COL15A1: variants seen among roughly 807,000 people sequenced by gnomAD.
The protein encoded by COL15A1 is collagen type XV alpha 1 chain, also known as collagen alpha-1(XV) chain.
COL15A1 carries 111 observed loss-of-function variants against 165.9 expected under a neutral mutation model. The ratio of observed to expected loss-of-function variants is 0.67; its 90% CI spans 0.57 to 0.78. COL15A1 has a LOEUF of 0.78. Ranked by LOEUF, COL15A1 falls within the 30% of genes least tolerant of loss-of-function variation. COL15A1 has a pLI of 0.00. For synonymous variants in COL15A1, 659 were observed against 674.8 expected, an observed-to-expected ratio of 0.98 and a Z score of 0.36; for missense variants, 1,745 against 1,789.7, an observed-to-expected ratio of 0.98 and a Z score of 0.45.
intron 9 of COL15A1, among the ~76,000 whole-genome samples, chr9:99,014,907 C>G (rs942026374): frequency 1.3e-5 from 2 of 152,182 alleles, no homozygotes; most frequent in African/African-American, 2.4e-5. Flanking sequence ...TTCTGATTAG[C>G]CTTTCCAAAG....
chr9:98,987,469 C>G (rs1235583171), intron 4 of COL15A1, 101 bp downstream of exon 4: 4 of 1,128,706 alleles, frequency 3.5e-6, no homozygotes, highest in Non-Finnish European at 5.0e-6. Context: ...TCTGAAACCT[C>G]TCATTTTGGC....
intron 14 of COL15A1, among the ~76,000 whole-genome samples, chr9:99,023,726 G>A (rs1839066190): frequency 1.3e-5 from 2 of 152,146 alleles, no homozygotes; most frequent in Non-Finnish European, 2.9e-5. Flanking sequence ...GGCTTCTTGA[G>A]CAGGCTGCCC....
intron 35 of COL15A1, among the ~76,000 whole-genome samples, chr9:99,057,576 A>G (rs141132161): frequency 6.8e-4 from 103 of 152,326 alleles, no homozygotes; most frequent in African/African-American, 2.2e-3. Flanking sequence ...TAAAAAAAGC[A>G]TTAACATCCC....
intron 2 of COL15A1, among the ~76,000 whole-genome samples, chr9:98,947,789 G>A (rs1335854214): frequency 6.6e-6 from 1 of 152,166 alleles, no homozygotes; most frequent in African/African-American, 2.4e-5. Context: ...TCCTCAGGTA[G>A]GGGTAGAACA....
chr9:99,002,752 A>G (rs1335944969), intron 7 of COL15A1, among the ~76,000 whole-genome samples: 1 of 152,226 alleles, frequency 6.6e-6, no homozygotes, highest in Non-Finnish European at 1.5e-5. Context: ...TGACTTTGGG[A>G]AATGCTGCAC....
intron 6 of COL15A1, among the ~76,000 whole-genome samples, chr9:98,998,623 C>G (rs10988521): frequency 0.11 from 17,079 of 152,096 alleles, 1,141 homozygotes; most frequent in East Asian, 0.27. Context: ...TGAATCTGGC[C>G]GCAGTTGTGG....
chr9:98,958,767 C>T (rs1837818325), intron 2 of COL15A1, among the ~76,000 whole-genome samples: 1 of 152,140 alleles, frequency 6.6e-6, no homozygotes, highest in South Asian at 2.1e-4. Flanking sequence ...ATGCCCCGCA[C>T]TGGTTTAGTG....
intron 2 of COL15A1, among the ~76,000 whole-genome samples, chr9:98,956,364 G>A (rs1414803931): frequency 2.0e-5 from 3 of 152,080 alleles, no homozygotes; most frequent in Non-Finnish European, 2.9e-5. Flanking sequence ...AGTATGATCT[G>A]TGCTAATAAT....
chr9:99,033,852 A>T (rs141076197), intron 16 of COL15A1, among the ~76,000 whole-genome samples: 202 of 152,170 alleles, frequency 1.3e-3, no homozygotes, highest in Admixed American at 2.4e-3. Context: ...GCCCCCTACC[A>T]CAGTCCTCTG....
intron 2 of COL15A1, among the ~76,000 whole-genome samples, chr9:98,971,226 C>T (rs1320726274): frequency 6.6e-6 from 1 of 152,172 alleles, no homozygotes; most frequent in Non-Finnish European, 1.5e-5. Context: ...GGCTGTAGAG[C>T]ATCCATGTCC....
At chr9:99,004,315 A>C (rs1838718824) in intron 8 of COL15A1, among the ~76,000 whole-genome samples, 1 of 152,170 alleles carries the variant, frequency 6.6e-6, no homozygotes, top group Admixed American at 6.5e-5. Context: ...TGGTGGTGCC[A>C]GCCTGCCCTG....
intron 16 of COL15A1, among the ~76,000 whole-genome samples, chr9:99,029,696 G>A (rs753146667): frequency 7.5e-4 from 114 of 152,262 alleles, no homozygotes; most frequent in Non-Finnish European, 1.4e-3. Flanking sequence ...AGCCTAGGTG[G>A]GTGGATCACC....
At chr9:98,992,814 C>T (rs1019745365) in intron 5 of COL15A1, among the ~76,000 whole-genome samples, 4 of 152,196 alleles carry the variant, frequency 2.6e-5, no homozygotes, top group African/African-American at 9.7e-5. Flanking sequence ...CCAGGCCTCA[C>T]TCCCCAGGCT....
intron 11 of COL15A1, among the ~76,000 whole-genome samples, chr9:99,018,287 G>T (rs907022379): frequency 1.2e-4 from 19 of 152,030 alleles, no homozygotes; most frequent in African/African-American, 4.6e-4. Flanking sequence ...ATTGTCTCCC[G>T]CCTTCTTTTT....
intron 26 of COL15A1, among the ~76,000 whole-genome samples, chr9:99,046,902 G>A (rs1207472674): frequency 6.6e-6 from 1 of 152,072 alleles, no homozygotes; most frequent in Non-Finnish European, 1.5e-5. Context: ...ATACAGACTG[G>A]GTACTTTACG....
intron 35 of COL15A1, among the ~76,000 whole-genome samples, chr9:99,059,063 G>A (rs1031418829): frequency 2.6e-5 from 4 of 152,172 alleles, no homozygotes; most frequent in Admixed American, 2.6e-4. Context: ...TAAAGTAAGG[G>A]CTTTTCAGTT....
At chr9:99,016,164 G>A in intron 11 of COL15A1, 45 bp downstream of exon 11, 1 of 1,539,718 alleles carries the variant, frequency 6.5e-7, no homozygotes, top group South Asian at 1.3e-5. Flanking sequence ...AGACCTTACA[G>A]GGGAGAGAAA....
chr9:99,049,637 C>T, intron 28 of COL15A1, 53 bp from the exon 29 acceptor site: 1 of 1,605,268 alleles, frequency 6.2e-7, no homozygotes, highest in Non-Finnish European at 8.5e-7. Context: ...TGTGGCTGCC[C>T]CTGCATTCAC....
chr9:98,999,800 A>G (rs1251324879), intron 6 of COL15A1, among the ~76,000 whole-genome samples: 1 of 150,968 alleles, frequency 6.6e-6, no homozygotes, highest in Admixed American at 6.6e-5. Flanking sequence ...GATTACAGGC[A>G]TGAGCCACCA....
Sources: gnomAD v4.1 joint callset for allele counts (sites outside exome capture counted in the v4.1 genomes callset) on GRCh38, gnomAD v4.1.1 for gene constraint, MANE v1.5 for transcripts, NCBI Gene and HGNC (gene_info 2026-07-23, HGNC 2026-07-21) for gene names.